Variants in CEP70 observed in about 807,000 individuals in gnomAD.
CEP70 encodes centrosomal protein 70.
CEP70 carries 70 observed loss-of-function variants against 90.9 expected under a neutral mutation model. That is an observed-to-expected ratio of 0.77 (90% CI 0.64 to 0.94). CEP70 has a LOEUF of 0.94. Among genes scored for constraint, CEP70 ranks in the 40% least tolerant of loss-of-function variants. CEP70 has a pLI of 0.00. For synonymous variants in CEP70, 220 were observed against 228.3 expected (o/e 0.96, Z 0.33); for missense variants, 648 against 669.0 (o/e 0.97, Z 0.35).
At chr3:138,543,346 G>A (rs2038916187) in intron 6 of CEP70, among the ~76,000 whole-genome samples, 3 of 152,206 alleles carry the variant, frequency 2.0e-5, no homozygotes, top group Non-Finnish European at 1.5e-5. Context: ...GGCAGTAGGG[G>A]GCTGGCATGT....
intron 14 of CEP70, 58 bp from the exon 15 acceptor site, chr3:138,500,625 A>C: frequency 6.6e-7 from 1 of 1,521,136 alleles, no homozygotes; most frequent in Non-Finnish European, 8.8e-7. Flanking sequence ...ATCCCAAATA[A>C]AAACTTTTAA....
chr3:138,549,965 C>T (rs2085609922), intron 6 of CEP70, among the ~76,000 whole-genome samples: 1 of 152,074 alleles, frequency 6.6e-6, no homozygotes, highest in Non-Finnish European at 1.5e-5. Flanking sequence ...AGAGAAATAA[C>T]AATCATTACA....
At chr3:138,577,676 C>T (rs1235590843) in intron 2 of CEP70, among the ~76,000 whole-genome samples, 1 of 151,618 alleles carries the variant, frequency 6.6e-6, no homozygotes, top group African/African-American at 2.4e-5. Flanking sequence ...TTTAAAAACC[C>T]AAAAGAAGAG....
rs542553731 is a variant in CEP70 at position 138,498,244 on chromosome 3, TTTTC to T, written c.1653-138_1653-135del. The T allele has an allele frequency of 2.4e-3, 1,436 of 604,204 alleles. 4 individuals carry two copies. Among genetic ancestry groups the T allele is most frequent in the South Asian group, 3.5e-3 (153 of 44,148 alleles). The allele number at this position is 604,204 out of a possible 1,614,324, so 37.4% of individuals were successfully genotyped here. A position where few individuals can be genotyped will look rare whatever the true frequency, so the allele number is the denominator to read the frequency against. ...AACTTAATGATCATTTACTACAGTC[TTTTC>T]TTTCTGAGCTTTTTGTTAATCCAAT... On this transcript the variant is annotated intron_variant, in intron 16 of 17. Coordinates refer to ENST00000264982, the MANE Select transcript of CEP70 (RefSeq NM_024491.4).
Position 138,550,609 on chromosome 3 carries a change from C to T in CEP70, c.466-13262G>A, listed in dbSNP as rs7639428. On this transcript the variant is annotated intron_variant, in intron 6 of 17. Transcript: ENST00000264982. ...AACTCCTGACCTCAGGTGATCTGCC[C>T]GCCTCAGCCTCCCAAAGTGCTGGGA... 5.7e-3 allele frequency among the ~76,000 whole-genome samples: 868 copies of T among 152,170 alleles called. 7 individuals are homozygous for T. Among genetic ancestry groups the T allele is most frequent in the African/African-American group, 0.02 (832 of 41,498 alleles).
intron 2 of CEP70, among the ~76,000 whole-genome samples, chr3:138,584,092 C>T (rs2041992074): frequency 6.6e-6 from 1 of 151,842 alleles, no homozygotes; most frequent in Non-Finnish European, 1.5e-5. Context: ...GGAGACATTA[C>T]AACCAATACT....
chr3:138,565,362 G>T (rs913588582), intron 6 of CEP70, among the ~76,000 whole-genome samples: 1 of 152,046 alleles, frequency 6.6e-6, no homozygotes, highest in Non-Finnish European at 1.5e-5. Flanking sequence ...AGTTCATATG[G>T]AACCAAAAAA....
intron 11 of CEP70, 101 bp from the exon 12 acceptor site, chr3:138,508,645 T>C: frequency 1.3e-6 from 1 of 743,866 alleles, no homozygotes; most frequent in Admixed American, 1.9e-5. Context: ...CCCAACAGCC[T>C]TATATCACTT....
At chr3:138,552,447 T>G (rs1021868371) in intron 6 of CEP70, among the ~76,000 whole-genome samples, 6 of 151,982 alleles carry the variant, frequency 3.9e-5, no homozygotes, top group African/African-American at 1.4e-4. Flanking sequence ...CTCAAAAAAT[T>G]TAAGAAAATT....
At chr3:138,552,755 C>T (rs989354805) in intron 6 of CEP70, among the ~76,000 whole-genome samples, 12 of 152,222 alleles carry the variant, frequency 7.9e-5, no homozygotes, top group Middle Eastern at 3.4e-3. Context: ...TCTAAGGTCA[C>T]ACCTCAAGGA....
At chr3:138,533,056 C>T (rs773923103) in intron 7 of CEP70, among the ~76,000 whole-genome samples, 7 of 152,096 alleles carry the variant, frequency 4.6e-5, no homozygotes, top group Non-Finnish European at 7.4e-5. Flanking sequence ...CCAAGGCAGG[C>T]GGATCACAAG....
At chr3:138,582,532 G>A (rs973142542) in intron 2 of CEP70, among the ~76,000 whole-genome samples, 1 of 151,498 alleles carries the variant, frequency 6.6e-6, no homozygotes, top group Non-Finnish European at 1.5e-5. Context: ...CCAGCACTTT[G>A]GGAGGCTGAG....
intron 6 of CEP70, among the ~76,000 whole-genome samples, chr3:138,545,041 A>T (rs547214388): frequency 6.6e-6 from 1 of 152,378 alleles, no homozygotes; most frequent in African/African-American, 2.4e-5. Context: ...TATATTTCAA[A>T]ATAGCTGGAA....
intron 2 of CEP70, among the ~76,000 whole-genome samples, chr3:138,579,551 CAG>C (rs951444907): frequency 6.6e-6 from 1 of 151,816 alleles, no homozygotes; most frequent in African/African-American, 2.4e-5. Flanking sequence ...GGGCACTGAG[CAG>C]AGTTATGAGG....
At chr3:138,561,453 G>T (rs1316360523) in intron 6 of CEP70, among the ~76,000 whole-genome samples, 1 of 152,082 alleles carries the variant, frequency 6.6e-6, no homozygotes, top group Non-Finnish European at 1.5e-5. Flanking sequence ...GCACAAAAAG[G>T]TTGAAAATTC....
At chr3:138,510,329 AG>A (rs1440066599) in intron 11 of CEP70, among the ~76,000 whole-genome samples, 1 of 151,738 alleles carries the variant, frequency 6.6e-6, no homozygotes, top group Non-Finnish European at 1.5e-5. Context: ...GCTACTCGGG[AG>A]GCTGAGGCAA....
intron 6 of CEP70, among the ~76,000 whole-genome samples, chr3:138,549,770 G>A (rs561573018): frequency 9.9e-5 from 15 of 151,974 alleles, no homozygotes; most frequent in East Asian, 3.9e-4. Flanking sequence ...TAAAAATAGC[G>A]CATTAAACAA....
intron 17 of CEP70, chr3:138,497,265 A>G: frequency 7.9e-7 from 1 of 1,268,940 alleles, no homozygotes; most frequent in Non-Finnish European, 1.0e-6. Flanking sequence ...TCAAGTTTTC[A>G]TTGACTCATT....
At position 138,556,780 on chromosome 3, in the gene CEP70, T is replaced by C. The variant is rs139866616; in HGVS notation, c.465+13538A>G. Among the ~76,000 whole-genome samples the C allele has an allele frequency of 9.0e-3, 1,367 of 152,154 alleles. 24 individuals are homozygous for C. Among genetic ancestry groups the C allele is most frequent in the African/African-American group, 0.03 (1,241 of 41,504 alleles). ...GGGGAGGCAGTGTACAAATAGGGTGTGGGTCACAGAGATCACGTACTTCAC... is the reference window on the plus strand; with the variant it reads ...GGGGAGGCAGTGTACAAATAGGGTGCGGGTCACAGAGATCACGTACTTCAC... On this transcript the variant is annotated intron_variant, in intron 6 of 17. Transcript: ENST00000264982.
Sources: allele counts gnomAD v4.1 joint callset (sites outside exome capture counted in the v4.1 genomes callset), GRCh38; gene constraint gnomAD v4.1.1; transcripts MANE v1.5; gene names NCBI Gene and HGNC (gene_info 2026-07-23, HGNC 2026-07-21).